The following ABCA1 variants were observed in gnomAD, a reference collection of about 807,000 sequenced individuals.
ABCA1 encodes the protein ATP binding cassette subfamily A member 1, also known as phospholipid-transporting ATPase ABCA1.
ABCA1 carries 133 observed loss-of-function variants against 262.5 expected under a neutral mutation model. The ratio of observed to expected loss-of-function variants is 0.51; its 90% CI spans 0.44 to 0.59. ABCA1 has a LOEUF of 0.59. Among genes scored for constraint, ABCA1 ranks in the 20% least tolerant of loss-of-function variants. The pLI is 0.00. For synonymous variants in ABCA1, 1,022 were observed against 1,043.5 expected (o/e 0.98, Z 0.40); for missense variants, 2,452 against 2,777.5 (o/e 0.88, Z 2.63).
intron 44 of ABCA1, among the ~76,000 whole-genome samples, chr9:104,788,855 C>T (rs1829160157): frequency 6.6e-6 from 1 of 152,192 alleles, no homozygotes; most frequent in African/African-American, 2.4e-5. Context: ...AACCACTGCA[C>T]ATTCTTTACC....
At chr9:104,796,631 A>G (rs916060037) in intron 37 of ABCA1, among the ~76,000 whole-genome samples, 44 of 152,218 alleles carry the variant, frequency 2.9e-4, no homozygotes, top group Non-Finnish European at 2.9e-5. Flanking sequence ...TATAAACTAC[A>G]TGCCCTTTCT....
At chr9:104,843,934 C>T (rs1834617579) in intron 8 of ABCA1, among the ~76,000 whole-genome samples, 1 of 151,672 alleles carries the variant, frequency 6.6e-6, no homozygotes. Flanking sequence ...CAAGAAACAG[C>T]TGCCAAGAAA....
intron 30 of ABCA1, among the ~76,000 whole-genome samples, chr9:104,806,856 AAG>A (rs1830813906): frequency 6.6e-6 from 1 of 152,166 alleles, no homozygotes; most frequent in African/African-American, 2.4e-5. Context: ...ATACACTAAT[AAG>A]ATAACCTTAG....
At chr9:104,807,799 C>T (rs903981903) in intron 30 of ABCA1, among the ~76,000 whole-genome samples, 4 of 145,276 alleles carry the variant, frequency 2.8e-5, no homozygotes, top group Non-Finnish European at 6.0e-5. Context: ...GGCAACAGAG[C>T]GAGACTCCAT....
chr9:104,832,675 G>A lies in ABCA1; in HGVS notation c.1408C>T (p.His470Tyr). 6.2e-7 allele frequency: 1 copy of A among 1,614,164 alleles called. No homozygotes were observed. The highest frequency in any genetic ancestry group is 8.5e-7 in the Non-Finnish European group (1 of 1,180,046). ...TTACTGGACTGGACATCCTCTGGGT[G>A]CTTGGCCAAAAACGCCACGATGTCT... is the stretch of plus-strand genomic sequence containing the variant. ...AQDIVAFLAK[H>Y]PEDVQSSNGS... The change falls in exon 12 of 50, where the codon CAC (histidine) becomes TAC (tyrosine). Residue 470 changes from histidine (H) to tyrosine (Y), a missense_variant. By Grantham distance (83) the His-to-Tyr change is moderately conservative (BLOSUM62 2). Transcript: ENST00000374736.
In ABCA1 at chr9:104,782,665, T is replaced by C. The variant is rs1239942596; in HGVS notation, c.*1650A>G. ...ACTAGTGATTGAAGAGATGAAAAAT[T>C]TGAGACTGTCAGATTTAATGGGGTA... On this transcript the variant is annotated 3_prime_UTR_variant, in exon 50 of 50. Coordinates refer to ENST00000374736, the MANE Select transcript of ABCA1 (RefSeq NM_005502.4). 1.3e-5 allele frequency: 2 copies of C among 152,126 alleles called. No individual in the cohort carries two copies. Among genetic ancestry groups the C allele is most frequent in the Admixed American group, 1.3e-4 (2 of 15,260 alleles). 9.4% of individuals were successfully genotyped at this position (152,126 alleles called of 1,614,324 possible).
rs1414927886 is a variant in ABCA1, at chr9:104,806,375, T to C, written c.4330A>G (p.Thr1444Ala). 1.2e-6 allele frequency: 2 copies of C among 1,614,100 alleles called. No individual in the cohort carries two copies. The highest frequency in any genetic ancestry group is 1.1e-5 in the South Asian group (1 of 91,078). ...EEWTTAPVPQ[T>A]IMDLFQNGNW... The stretch of plus-strand genomic sequence containing the variant: ...CCATTCTGGAAGAGGTCCATGATGG[T>C]CTGGGGAACTGGGGCAGTGGTCCAC... Residue 1444 changes from threonine to alanine, a missense_variant, in exon 31 of 50, where the codon ACC (threonine) becomes GCC (alanine). Thr to Ala is a moderately conservative substitution (Grantham distance 58, BLOSUM62 0). Coordinates refer to ENST00000374736, the MANE Select transcript of ABCA1 (RefSeq NM_005502.4).
chr9:104,828,881 T>C, intron 15 of ABCA1, 35 bp downstream of exon 15: 1 of 1,609,140 alleles, frequency 6.2e-7, no homozygotes, highest in Non-Finnish European at 8.5e-7. Flanking sequence ...ATTTCGGAGT[T>C]TCCTGGCAGG....
chr9:104,903,107 T>C (rs1392127455), intron 2 of ABCA1, among the ~76,000 whole-genome samples: 1 of 152,184 alleles, frequency 6.6e-6, no homozygotes, highest in Admixed American at 6.5e-5. Flanking sequence ...ATCTGGGAAG[T>C]GAATGGCTTA....
rs528784188 is a variant in ABCA1, at chr9:104,838,598, C to T, written c.1055-1031G>A. Among the ~76,000 whole-genome samples, 520 of 147,212 alleles carry T rather than the reference C, an allele frequency of 3.5e-3. 15 individuals carry two copies. Among genetic ancestry groups the T allele is most frequent in the Middle Eastern group, 3.5e-3 (1 of 284 alleles). On this transcript the variant is annotated intron_variant, in intron 9 of 49. Transcript: ENST00000374736. The stretch of plus-strand genomic sequence containing the variant: ...CGCCACTGCACTCCAGCCTGGGCAA[C>T]GGAGCGAGACTCCCTCTCAAAAAAA...
intron 11 of ABCA1, among the ~76,000 whole-genome samples, chr9:104,835,247 A>T (rs1389587899): frequency 1.0e-5 from 1 of 96,996 alleles, no homozygotes; most frequent in South Asian, 3.6e-4. Flanking sequence ...GACTCTGTCC[A>T]AAAAAAAAAA....
chr9:104,905,112 C>T (rs954208639), intron 1 of ABCA1, among the ~76,000 whole-genome samples: 2 of 152,176 alleles, frequency 1.3e-5, no homozygotes, highest in Non-Finnish European at 2.9e-5. Context: ...TAGCCATGAA[C>T]TCTCCTAGCT....
intron 1 of ABCA1, among the ~76,000 whole-genome samples, chr9:104,920,878 T>C (rs1289714149): frequency 1.3e-5 from 2 of 152,224 alleles, no homozygotes; most frequent in Admixed American, 1.3e-4. Flanking sequence ...AAGCATTATA[T>C]TATACGGTTC....
chr9:104,804,841 G>A (rs1057272363), intron 31 of ABCA1, 121 bp from the exon 32 acceptor site: 2 of 837,772 alleles, frequency 2.4e-6, no homozygotes, highest in Admixed American at 3.5e-5. Flanking sequence ...ACAGGTCCCA[G>A]ACACTGCCCT....
At chr9:104,810,358 A>G (rs1044944984) in intron 29 of ABCA1, among the ~76,000 whole-genome samples, 3 of 152,082 alleles carry the variant, frequency 2.0e-5, no homozygotes, top group African/African-American at 7.2e-5. Context: ...ACACTACCTA[A>G]CATCCCAAAT....
intron 37 of ABCA1, among the ~76,000 whole-genome samples, chr9:104,796,682 C>T (rs1436403331): frequency 1.3e-5 from 2 of 152,212 alleles, no homozygotes; most frequent in African/African-American, 4.8e-5. Context: ...ACTCAGTAAA[C>T]TTACTGAACG....
intron 18 of ABCA1, among the ~76,000 whole-genome samples, chr9:104,824,089 T>C (rs991782387): frequency 2.0e-5 from 3 of 152,176 alleles, no homozygotes; most frequent in Non-Finnish European, 4.4e-5. Context: ...CACAGGCTGA[T>C]ACACAGGTCA....
chr9:104,827,657 G>A (rs577351496), intron 15 of ABCA1, among the ~76,000 whole-genome samples: 225 of 152,168 alleles, frequency 1.5e-3, no homozygotes, highest in African/African-American at 4.8e-3. Flanking sequence ...GCCTATCTCC[G>A]GCTGATGGGT....
Position 104,781,012 on chromosome 9 carries a change from C to G in ABCA1, c.*3303G>C, listed in dbSNP as rs912997365. The G allele has an allele frequency of 9.8e-5, 15 of 152,572 alleles. No homozygotes were observed. Among genetic ancestry groups the G allele is most frequent in the African/African-American group, 2.9e-4 (12 of 41,422 alleles). The allele number at this position is 152,572 out of a possible 1,614,324, so 9.5% of individuals were successfully genotyped here. ...ATGCACAAAAGTAAATTTCTGTAGA[C>G]CAACAGAACTGTCACAGCTTTATTT... is the stretch of plus-strand genomic sequence containing the variant. On this transcript the variant is annotated 3_prime_UTR_variant, in exon 50 of 50. Transcript: ENST00000374736.
Sources: allele counts gnomAD v4.1 joint callset (sites outside exome capture counted in the v4.1 genomes callset), GRCh38; gene constraint gnomAD v4.1.1; transcripts MANE v1.5; gene names NCBI Gene and HGNC (gene_info 2026-07-23, HGNC 2026-07-21).